Variants in ZNF431 observed in about 807,000 individuals in gnomAD.
ZNF431 encodes zinc finger protein 431.
Under a neutral mutation model 57.0 loss-of-function variants are expected in ZNF431, and 34 were observed. The ratio of observed to expected loss-of-function variants is 0.60; its 90% confidence interval spans 0.45 to 0.79. The LOEUF (loss-of-function observed/expected upper bound fraction) is 0.79. Ranked by LOEUF, ZNF431 falls within the 30% of genes least tolerant of loss-of-function variation. The probability of loss-of-function intolerance (pLI) is 0.00; values close to 1 mark genes in which losing one functional copy is unlikely to be tolerated. For missense variants in ZNF431, 607 were observed against 667.1 expected (o/e 0.91, Z 0.99); for synonymous variants, 207 against 220.3 (o/e 0.94, Z 0.54).
chr19:21,175,072 G>A (rs575136388), intron 4 of ZNF431, among the ~76,000 whole-genome samples: 1 of 152,070 alleles, frequency 6.6e-6, no homozygotes, highest in African/African-American at 2.4e-5. Context: ...ATTTATTTTT[G>A]AGATAAAGTC....
chr19:21,178,282 TC>T (rs1167018486), intron 4 of ZNF431, among the ~76,000 whole-genome samples: 1 of 152,126 alleles, frequency 6.6e-6, no homozygotes, highest in African/African-American at 2.4e-5. Context: ...CAGTTTGACT[TC>T]CTATTTGAAT....
chr19:21,175,405 A>G (rs1568311149), intron 4 of ZNF431: 1 of 696,144 alleles, frequency 1.4e-6, no homozygotes, highest in Admixed American at 2.0e-5. Flanking sequence ...TACCAGTTTT[A>G]TTGTTGTTCT....
In ZNF431 at chr19:21,193,360, C is replaced by A. The variant is rs1470204437; in HGVS notation, c.*9326C>A. The A allele has an allele frequency of 2.0e-5, 3 of 152,166 alleles. No individual in the cohort carries two copies. The highest frequency in any genetic ancestry group is 7.2e-5 in the African/African-American group (3 of 41,432). 9.4% of individuals were successfully genotyped at this position (152,166 alleles called of 1,614,324 possible). ...CCTGCCCAACGTGGTGAAACCCCAT[C>A]TCTGCTAAAATACAAAATTAGCCAG... On this transcript the variant is annotated 3_prime_UTR_variant, in exon 5 of 5. Transcript: ENST00000311048.
chr19:21,178,432 C>T (rs1193415536), intron 4 of ZNF431, among the ~76,000 whole-genome samples: 5 of 152,078 alleles, frequency 3.3e-5, no homozygotes, highest in African/African-American at 4.8e-5. Context: ...CCTTTTATAT[C>T]GGCTATGGGT....
chr19:21,184,100 C>A lies in ZNF431; in HGVS notation c.*66C>A. ...TGCGGTGGCTTATGCAAAATGGCTCCCAGCATTTTGGGAGGCTGAGGTGGG... is the reference window on the plus strand; with the variant it reads ...TGCGGTGGCTTATGCAAAATGGCTCACAGCATTTTGGGAGGCTGAGGTGGG... On this transcript the variant is annotated 3_prime_UTR_variant, in exon 5 of 5. Coordinates refer to ENST00000311048, the MANE Select transcript of ZNF431 (RefSeq NM_133473.4). The A allele has an allele frequency of 7.0e-7, 1 of 1,423,718 alleles. No homozygotes were observed. Among genetic ancestry groups the A allele is most frequent in the Non-Finnish European group, 9.4e-7 (1 of 1,064,374 alleles). The allele number at this position is 1,423,718 out of a possible 1,614,324, so 88.2% of individuals were successfully genotyped here. A position where few individuals can be genotyped will look rare whatever the true frequency, so the allele number is the denominator to read the frequency against.
rs1338591706 is a variant in ZNF431, at chr19:21,194,350, CAG to C, written c.*10320_*10321del. 2 of 152,068 alleles carry C rather than the reference CAG, an allele frequency of 1.3e-5. No homozygotes were observed. Among genetic ancestry groups the C allele is most frequent in the African/African-American group, 4.8e-5 (2 of 41,420 alleles). 9.4% of individuals were successfully genotyped at this position (152,068 alleles called of 1,614,324 possible). On this transcript the variant is annotated 3_prime_UTR_variant, in exon 5 of 5. Coordinates refer to ENST00000311048, the MANE Select transcript of ZNF431 (RefSeq NM_133473.4). ...ACTAGAAAACATTACTGAAAGTAATCAGAGACAATTCAAATAAAAAAGCTTTC... is the reference window on the plus strand; with the variant it reads ...ACTAGAAAACATTACTGAAAGTAATCAGACAATTCAAATAAAAAAGCTTTC...
At position 21,164,194 on chromosome 19, in the gene ZNF431, T is replaced by C. The variant is rs117269104; in HGVS notation, c.97-2141T>C. 1.4e-4 allele frequency among the ~76,000 whole-genome samples: 22 copies of C among 152,202 alleles called. No individual in the cohort carries two copies. The East Asian group carries it at 4.3e-3, about 29-fold the overall frequency. The stretch of plus-strand genomic sequence containing the variant: ...TTTAATGAAGGGCCTCATGTGACTC[T>C]AAGCTGAGGCCAGAATCAAATATGA... On this transcript the variant is annotated intron_variant, in intron 2 of 4. Coordinates refer to ENST00000311048, the MANE Select transcript of ZNF431 (RefSeq NM_133473.4).
At chr19:21,160,656 C>T (rs1434748131) in intron 2 of ZNF431, among the ~76,000 whole-genome samples, 1 of 152,154 alleles carries the variant, frequency 6.6e-6, no homozygotes, top group Non-Finnish European at 1.5e-5. Context: ...TTGAGGATGT[C>T]CAGGGCAGAA....
chr19:21,156,839 A>G (rs1174467567), intron 2 of ZNF431, among the ~76,000 whole-genome samples: 1 of 151,992 alleles, frequency 6.6e-6, no homozygotes, highest in Non-Finnish European at 1.5e-5. Context: ...CAGTGGTGCA[A>G]TCTTGACTCA....
chr19:21,158,254 A>G (rs1342390754), intron 2 of ZNF431, among the ~76,000 whole-genome samples: 1 of 151,690 alleles, frequency 6.6e-6, no homozygotes, highest in African/African-American at 2.4e-5. Context: ...CTGGAGTGCA[A>G]TGGTGCGATC....
chr19:21,193,225 A>G lies in ZNF431; in HGVS notation c.*9191A>G, dbSNP rs1179043828. The G allele has an allele frequency of 6.6e-6, 1 of 152,118 alleles. No homozygotes were observed. Among genetic ancestry groups the G allele is most frequent in the Admixed American group, 6.6e-5 (1 of 15,264 alleles). 9.4% of individuals were successfully genotyped at this position (152,118 alleles called of 1,614,324 possible). ...AAAATCCAGGTGGAGTTCCACCCTA[A>G]CTCATTATATAAAATCTGTATCGCT... On this transcript the variant is annotated 3_prime_UTR_variant, in exon 5 of 5. Coordinates refer to ENST00000311048, the MANE Select transcript of ZNF431 (RefSeq NM_133473.4).
intron 2 of ZNF431, chr19:21,149,743 G>T: frequency 1.6e-6 from 1 of 621,114 alleles, no homozygotes; most frequent in Non-Finnish European, 3.0e-6. Context: ...CCTCCCCAGT[G>T]ATGGCGGATC....
chr19:21,173,873 T>G (rs1970975664), intron 4 of ZNF431, among the ~76,000 whole-genome samples: 1 of 152,178 alleles, frequency 6.6e-6, no homozygotes, highest in Non-Finnish European at 1.5e-5. Flanking sequence ...AATTTTGCTT[T>G]TCTTTTCAAA....
At chr19:21,160,982 A>G (rs1012666085) in intron 2 of ZNF431, among the ~76,000 whole-genome samples, 2 of 152,176 alleles carry the variant, frequency 1.3e-5, no homozygotes, top group African/African-American at 4.8e-5. Flanking sequence ...ATCCTGGCCA[A>G]CATGGTGAAA....
chr19:21,142,197 C>G lies in ZNF431; in HGVS notation c.3+11C>G, dbSNP rs747379435. The G allele has an allele frequency of 1.7e-5, 28 of 1,612,870 alleles. No individual in the cohort carries two copies. In the Admixed American group the frequency reaches 2.8e-4, roughly 16 times the overall value. On this transcript the variant is annotated intron_variant, in intron 1 of 4. Transcript: ENST00000311048. ...GAAAGCCTAGAAATGGTGAGAGTGCCGGGTCGGACATCCCGAGAGAGGGGA... is the reference window on the plus strand; with the variant it reads ...GAAAGCCTAGAAATGGTGAGAGTGCGGGGTCGGACATCCCGAGAGAGGGGA...
At chr19:21,167,717 TA>T (rs113788883) in intron 4 of ZNF431, 51 bp downstream of exon 4, 140,149 of 999,874 alleles carry the variant, frequency 0.14, 99 homozygotes, top group South Asian at 0.22. Flanking sequence ...GTCCAAAGCT[TA>T]AAAAAAAAAA....
intron 4 of ZNF431, chr19:21,175,586 C>T (rs757897394): frequency 3.4e-4 from 181 of 534,358 alleles, no homozygotes; most frequent in Non-Finnish European, 5.1e-4. Flanking sequence ...TCTCCCTCCC[C>T]GTGACAGACC....
In ZNF431 at chr19:21,184,066, T is replaced by C. The variant is rs959423079; in HGVS notation, c.*32T>C. 6.6e-7 allele frequency: 1 copy of C among 1,523,136 alleles called. No individual in the cohort carries two copies. Among genetic ancestry groups the C allele is most frequent in the African/African-American group, 1.4e-5 (1 of 71,790 alleles). 94.4% of individuals were successfully genotyped at this position (1,523,136 alleles called of 1,614,324 possible). ...CTCAACTCTTACTAAGCATTAAATA[T>C]TGGCCGGGTGCGGTGGCTTATGCAA... On this transcript the variant is annotated 3_prime_UTR_variant, in exon 5 of 5. Coordinates refer to ENST00000311048, the MANE Select transcript of ZNF431 (RefSeq NM_133473.4).
intron 4 of ZNF431, among the ~76,000 whole-genome samples, chr19:21,169,024 G>A (rs376912580): frequency 4.6e-5 from 7 of 151,982 alleles, no homozygotes; most frequent in African/African-American, 1.7e-4. Context: ...CGATTCTCCT[G>A]CCTCAGCCTC....
Sources: allele counts gnomAD v4.1 joint callset (sites outside exome capture counted in the v4.1 genomes callset), GRCh38; gene constraint gnomAD v4.1.1; transcripts MANE v1.5; gene names NCBI Gene and HGNC (gene_info 2026-07-23, HGNC 2026-07-21).